The following DDX10 variants were observed in gnomAD, a reference collection of about 807,000 sequenced individuals.
DDX10 encodes the protein probable ATP-dependent RNA helicase DDX10.
A neutral mutation model predicts 104.3 loss-of-function variants in DDX10; 74 were observed. The ratio of observed to expected loss-of-function variants is 0.71; its 90% CI spans 0.59 to 0.86. The LOEUF is 0.86. Among genes scored for constraint, DDX10 ranks in the 40% least tolerant of loss-of-function variants. DDX10 has a pLI of 0.00. For missense variants in DDX10, 952 were observed against 1,040.0 expected (o/e 0.92, Z 1.16); for synonymous variants, 351 against 353.4 (o/e 0.99, Z 0.08).
intron 16 of DDX10, among the ~76,000 whole-genome samples, chr11:108,905,760 T>C (rs1863588194): frequency 2.0e-5 from 3 of 152,140 alleles, no homozygotes; most frequent in Non-Finnish European, 4.4e-5. Flanking sequence ...AAAAAATACC[T>C]GAGACTTGGT....
At chr11:108,771,126 G>A (rs904901662) in intron 13 of DDX10, among the ~76,000 whole-genome samples, 4 of 152,062 alleles carry the variant, frequency 2.6e-5, no homozygotes, top group African/African-American at 9.7e-5. Context: ...CTTTTCATAT[G>A]CCTGTTTGCC....
intron 13 of DDX10, among the ~76,000 whole-genome samples, chr11:108,836,149 A>G (rs796315528): frequency 1.9e-4 from 29 of 152,360 alleles, no homozygotes; most frequent in African/African-American, 6.5e-4. Flanking sequence ...TGATATAATA[A>G]AAGTTACCTC....
chr11:108,889,094 A>C (rs1473973499), intron 16 of DDX10, among the ~76,000 whole-genome samples: 1 of 152,200 alleles, frequency 6.6e-6, no homozygotes, highest in Admixed American at 6.5e-5. Flanking sequence ...TACAGATGTC[A>C]GAATTCTTAT....
intron 13 of DDX10, among the ~76,000 whole-genome samples, chr11:108,783,011 G>A (rs964658013): frequency 2.0e-5 from 3 of 152,100 alleles, no homozygotes; most frequent in African/African-American, 7.2e-5. Flanking sequence ...TGCTTACAAT[G>A]TTATGCCTTC....
chr11:108,744,986 T>A (rs2094329572), intron 13 of DDX10, among the ~76,000 whole-genome samples: 1 of 151,278 alleles, frequency 6.6e-6, no homozygotes, highest in Admixed American at 6.6e-5. Flanking sequence ...GTAGAAGAGC[T>A]CTATAGGAAA....
chr11:108,822,457 A>AGT, intron 13 of DDX10: 1 of 347,358 alleles, frequency 2.9e-6, no homozygotes, highest in South Asian at 2.7e-5. Flanking sequence ...ATAGTGCATC[A>AGT]GTGTATCCTT....
chr11:108,726,934 T>C (rs1286056203), intron 13 of DDX10, among the ~76,000 whole-genome samples: 1 of 152,132 alleles, frequency 6.6e-6, no homozygotes, highest in African/African-American at 2.4e-5. Flanking sequence ...TCTGTAAACA[T>C]TAAGGTGATG....
intron 17 of DDX10, among the ~76,000 whole-genome samples, chr11:108,930,633 T>C (rs1183316652): frequency 6.6e-6 from 1 of 152,250 alleles, no homozygotes; most frequent in African/African-American, 2.4e-5. Context: ...AGAGTTCTTT[T>C]TGCTCCACAG....
intron 16 of DDX10, among the ~76,000 whole-genome samples, chr11:108,884,088 C>T (rs1336958452): frequency 3.3e-5 from 5 of 152,174 alleles, no homozygotes; most frequent in Non-Finnish European, 5.9e-5. Flanking sequence ...CTAGCTGTGA[C>T]CTCTCTCCTG....
At chr11:108,802,157 T>C (rs1312383129) in intron 13 of DDX10, among the ~76,000 whole-genome samples, 1 of 152,098 alleles carries the variant, frequency 6.6e-6, no homozygotes, top group Non-Finnish European at 1.5e-5. Context: ...TTATCCAATA[T>C]GCATGGGACC....
chr11:108,688,979 C>T lies in DDX10; in HGVS notation c.892C>T (p.Gln298Ter), dbSNP rs763317883. 6.2e-7 allele frequency: 1 copy of T among 1,614,034 alleles called. No homozygotes were observed. Among genetic ancestry groups the T allele is most frequent in the Non-Finnish European group, 8.5e-7 (1 of 1,179,936 alleles). ...LEQNYIVCEL[Q>*]QKISVLYSFL... ...ACAGAACTACATAGTCTGTGAGCTG[C>T]AGCAAAAAATAAGTGTGCTGTATTC... Residue 298 changes from glutamine to a stop codon, truncating the protein, a stop_gained, in exon 7 of 18, where the codon CAG (glutamine) becomes TAG (stop). Coordinates refer to ENST00000322536, the MANE Select transcript of DDX10 (RefSeq NM_004398.4). LOFTEE classifies it high-confidence loss of function.
chr11:108,894,589 A>G (rs1863416338), intron 16 of DDX10, among the ~76,000 whole-genome samples: 1 of 152,032 alleles, frequency 6.6e-6, no homozygotes, highest in Admixed American at 6.6e-5. Flanking sequence ...CCATTTCTTT[A>G]ATTTTTGTAA....
chr11:108,682,021 C>T (rs184823976), intron 6 of DDX10, among the ~76,000 whole-genome samples: 3 of 152,012 alleles, frequency 2.0e-5, no homozygotes, highest in East Asian at 3.9e-4. Context: ...ATTTGTAATA[C>T]GAGTAGCAAA....
intron 14 of DDX10, among the ~76,000 whole-genome samples, chr11:108,840,911 A>G (rs987446627): frequency 6.6e-6 from 1 of 152,190 alleles, no homozygotes; most frequent in African/African-American, 2.4e-5. Context: ...ACAGTAACAC[A>G]CTGGGTACCA....
At chr11:108,806,793 G>T (rs543776149) in intron 13 of DDX10, among the ~76,000 whole-genome samples, 85 of 152,174 alleles carry the variant, frequency 5.6e-4, no homozygotes, top group African/African-American at 1.8e-3. Flanking sequence ...ATAGAGGGGG[G>T]ACTGTGTGAA....
In DDX10 at chr11:108,723,172, C is replaced by T. The variant is rs914040184; in HGVS notation, c.1675C>T (p.Leu559Phe). 1.2e-6 allele frequency: 2 copies of T among 1,613,696 alleles called. No individual in the cohort carries two copies. Among genetic ancestry groups the T allele is most frequent in the African/African-American group, 2.7e-5 (2 of 74,988 alleles). ...RAYFNEKMSI[L>F]QKGGKRLEGT... is the part of the protein sequence containing the mutation. ...CTACTTCAATGAGAAAATGTCCATC[C>T]TTCAAAAAGGTGGAAAAAGACTCGA... The change falls in exon 13 of 18, where the codon CTT becomes TTT. Residue 559 changes from leucine (L) to phenylalanine (F), a missense_variant. Around this residue, in one of 3 missense-constraint regions of DDX10, gnomAD observed 533 missense variants for 534.1 expected, o/e 1.00. Coordinates refer to ENST00000322536, the MANE Select transcript of DDX10 (RefSeq NM_004398.4).
chr11:108,933,795 G>T (rs1420947002), intron 17 of DDX10, among the ~76,000 whole-genome samples: 3 of 152,186 alleles, frequency 2.0e-5, no homozygotes, highest in Admixed American at 2.0e-4. Context: ...AAGAAGATAA[G>T]AATGTGGTTT....
chr11:108,689,819 A>G (rs755116761), intron 7 of DDX10, among the ~76,000 whole-genome samples: 27 of 152,352 alleles, frequency 1.8e-4, no homozygotes, highest in South Asian at 1.0e-3. Flanking sequence ...AGCTTTTGCA[A>G]TAACTTTCCA....
At chr11:108,744,319 C>G (rs1406275017) in intron 13 of DDX10, among the ~76,000 whole-genome samples, 1 of 152,072 alleles carries the variant, frequency 6.6e-6, no homozygotes, top group African/African-American at 2.4e-5. Context: ...TTTAATGAGG[C>G]CATTTATGTC....
Sources: gnomAD v4.1 joint callset for allele counts (sites outside exome capture counted in the v4.1 genomes callset) on GRCh38, gnomAD v4.1.1 for gene constraint, gnomAD v4.1.1 regional missense constraint, MANE v1.5 for transcripts, NCBI Gene and HGNC (gene_info 2026-07-23, HGNC 2026-07-21) for gene names.